Variants in DISP1 observed in about 807,000 individuals in gnomAD.
DISP1 encodes dispatched RND transporter family member 1.
DISP1 carries 30 observed loss-of-function variants against 37.3 expected under a neutral mutation model. The ratio of observed to expected loss-of-function variants is 0.80; its 90% CI spans 0.60 to 1.09. The LOEUF is 1.09. DISP1 is among the 50% of genes least tolerant of loss of function. The pLI is 0.00. For synonymous variants in DISP1, 634 were observed against 690.2 expected (o/e 0.92, Z 1.28); for missense variants, 1,598 against 1,879.5 (o/e 0.85, Z 2.77).
chr1:222,836,053 A>G (rs974391581), intron 1 of DISP1, among the ~76,000 whole-genome samples: 4 of 152,046 alleles, frequency 2.6e-5, no homozygotes, highest in Admixed American at 2.0e-4. Flanking sequence ...TTAGTGGACT[A>G]TGAATAATTT....
chr1:222,947,797 A>G (rs1674904989), intron 3 of DISP1, among the ~76,000 whole-genome samples: 1 of 152,166 alleles, frequency 6.6e-6, no homozygotes, highest in Admixed American at 6.6e-5. Flanking sequence ...AGTAAGAAAC[A>G]TTTTAGGAAA....
At chr1:222,854,715 T>C (rs552927195) in intron 1 of DISP1, among the ~76,000 whole-genome samples, 1 of 152,142 alleles carries the variant, frequency 6.6e-6, no homozygotes, top group East Asian at 1.9e-4. Flanking sequence ...GGGAATCCTA[T>C]AGTTGAGCCT....
chr1:222,851,152 C>T (rs761810118), intron 1 of DISP1, among the ~76,000 whole-genome samples: 3 of 151,248 alleles, frequency 2.0e-5, no homozygotes, highest in Non-Finnish European at 1.5e-5. Context: ...CTGCAACCTC[C>T]GCCTCCTGGG....
chr1:222,902,443 C>A (rs1305342957), intron 1 of DISP1, among the ~76,000 whole-genome samples: 5 of 152,074 alleles, frequency 3.3e-5, no homozygotes, highest in South Asian at 2.1e-4. Flanking sequence ...CAAAAGCCAA[C>A]ATTGACAAAT....
At chr1:222,852,808 A>G (rs1668341755) in intron 1 of DISP1, among the ~76,000 whole-genome samples, 1 of 152,040 alleles carries the variant, frequency 6.6e-6, no homozygotes, top group Non-Finnish European at 1.5e-5. Flanking sequence ...TTTTTTAACC[A>G]CTGATGATGA....
At chr1:222,891,769 T>G (rs1670956980) in intron 1 of DISP1, among the ~76,000 whole-genome samples, 1 of 151,966 alleles carries the variant, frequency 6.6e-6, no homozygotes, top group African/African-American at 2.4e-5. Context: ...GATTAGTGAG[T>G]ACAACAGGTT....
chr1:222,879,945 T>A (rs1261528657), intron 1 of DISP1, among the ~76,000 whole-genome samples: 1 of 151,982 alleles, frequency 6.6e-6, no homozygotes, highest in Non-Finnish European at 1.5e-5. Context: ...AAGAAAAAAC[T>A]TTATGTTTGA....
intron 1 of DISP1, among the ~76,000 whole-genome samples, chr1:222,840,856 C>T (rs1667571692): frequency 6.6e-6 from 1 of 151,994 alleles, no homozygotes; most frequent in Non-Finnish European, 1.5e-5. Context: ...GCCACTGCGC[C>T]CAGCCAGAAG....
At position 222,862,029 on chromosome 1, in the gene DISP1, G is replaced by A. The variant is rs1458482477; in HGVS notation, c.-159+46951G>A. Among the ~76,000 whole-genome samples, 3 of 152,158 alleles carry A rather than the reference G, an allele frequency of 2.0e-5. No homozygotes were observed. In the East Asian group the frequency reaches 5.8e-4, roughly 29 times the overall value. ...GCGACCTGTTTTTCTGAAAGGCTGA[G>A]CAACCCTTTTAAGACTGGGATGTCA... On this transcript the variant is annotated intron_variant, in intron 1 of 8. Transcript: ENST00000675850.
At chr1:222,950,375 C>T (rs925318865) in intron 3 of DISP1, among the ~76,000 whole-genome samples, 5 of 152,080 alleles carry the variant, frequency 3.3e-5, no homozygotes, top group Non-Finnish European at 5.9e-5. Context: ...CCGAGGCAGG[C>T]GGATCATGAG....
At chr1:222,983,898 C>T (rs1367674230) in intron 4 of DISP1, among the ~76,000 whole-genome samples, 1 of 152,050 alleles carries the variant, frequency 6.6e-6, no homozygotes, top group Non-Finnish European at 1.5e-5. Context: ...CATCAGATGT[C>T]CTTACACATT....
At chr1:222,929,845 AT>A (rs1302748360) in intron 2 of DISP1, among the ~76,000 whole-genome samples, 11 of 151,972 alleles carry the variant, frequency 7.2e-5, no homozygotes, top group Non-Finnish European at 1.3e-4. Context: ...TATTTTATTG[AT>A]TTTACTTTAT....
At chr1:222,990,115 T>C (rs759664636) in intron 4 of DISP1, among the ~76,000 whole-genome samples, 16 of 152,232 alleles carry the variant, frequency 1.1e-4, no homozygotes, top group Non-Finnish European at 1.9e-4. Context: ...AGTTTGGTTA[T>C]TTTTAAGATC....
At chr1:222,854,265 T>A (rs969039846) in intron 1 of DISP1, among the ~76,000 whole-genome samples, 4 of 152,130 alleles carry the variant, frequency 2.6e-5, no homozygotes, top group African/African-American at 9.7e-5. Context: ...ACTGGGTAAT[T>A]TATAGAGAAA....
At chr1:222,889,010 C>T (rs1670798241) in intron 1 of DISP1, among the ~76,000 whole-genome samples, 1 of 152,114 alleles carries the variant, frequency 6.6e-6, no homozygotes, top group South Asian at 2.1e-4. Context: ...GAATATCCAT[C>T]ATCTCAAACA....
At chr1:222,981,692 T>C (rs140947299) in intron 3 of DISP1, among the ~76,000 whole-genome samples, 120 of 152,290 alleles carry the variant, frequency 7.9e-4, no homozygotes, top group African/African-American at 2.8e-3. Flanking sequence ...CTTCAAGAAA[T>C]TCCAAGGTAG....
intron 1 of DISP1, among the ~76,000 whole-genome samples, chr1:222,822,655 A>G (rs1663228362): frequency 6.6e-6 from 1 of 152,222 alleles, no homozygotes; most frequent in Admixed American, 6.5e-5. Flanking sequence ...TTCAAATTAT[A>G]AGGTTTTCTG....
rs929296598 is a variant in DISP1 at position 222,937,788 on chromosome 1, T to C, written c.-17-5019T>C. Among the ~76,000 whole-genome samples, 5 of 146,412 alleles carry C rather than the reference T, an allele frequency of 3.4e-5. No individual in the cohort carries two copies. The East Asian group carries it at 5.9e-4, about 17-fold the overall frequency. ...ACATCTCAAGCCAATGCTTCAATAA[T>C]AGCTTGCCTTTTTTTTTTTTTTTTT... On this transcript the variant is annotated intron_variant, in intron 2 of 8. Transcript: ENST00000675850.
At chr1:222,845,788 A>G (rs1008953486) in intron 1 of DISP1, among the ~76,000 whole-genome samples, 1 of 152,140 alleles carries the variant, frequency 6.6e-6, no homozygotes, top group African/African-American at 2.4e-5. Flanking sequence ...CCCCTCTATG[A>G]TATATAACTT....
Sources: gnomAD v4.1 joint callset for allele counts (sites outside exome capture counted in the v4.1 genomes callset) on GRCh38, gnomAD v4.1.1 for gene constraint, MANE v1.5 for transcripts, NCBI Gene and HGNC (gene_info 2026-07-23, HGNC 2026-07-21) for gene names.